The following PCSK5 variants were observed in gnomAD, a reference collection of about 807,000 sequenced individuals.
PCSK5 encodes the protein proprotein convertase subtilisin/kexin type 5.
A neutral mutation model predicts 233.2 loss-of-function variants in PCSK5; 129 were observed. The observed-to-expected ratio is 0.55, with a 90% CI of 0.48 to 0.64. The LOEUF (loss-of-function observed/expected upper bound fraction) is 0.64. Among genes scored for constraint, PCSK5 ranks in the 30% least tolerant of loss-of-function variants. PCSK5 has a pLI of 0.00. For missense variants in PCSK5, 2,076 were observed against 2,430.1 expected (o/e 0.85, Z 3.06); for synonymous variants, 825 against 879.2 (o/e 0.94, Z 1.09).
intron 3 of PCSK5, among the ~76,000 whole-genome samples, chr9:76,003,413 CT>C (rs1414859530): frequency 2.0e-5 from 3 of 151,704 alleles, no homozygotes; most frequent in African/African-American, 7.3e-5. Flanking sequence ...TTTTTTTTTC[CT>C]TCCAATAGTT....
intron 8 of PCSK5, among the ~76,000 whole-genome samples, chr9:76,104,885 A>C (rs1338495710): frequency 6.6e-6 from 1 of 152,222 alleles, no homozygotes; most frequent in Non-Finnish European, 1.5e-5. Flanking sequence ...TCTCAACAAC[A>C]GCAGATCTGG....
Position 76,332,513 on chromosome 9 carries a change from T to C in PCSK5, c.4651T>C (p.Cys1551Arg), listed in dbSNP as rs531220742. 212 of 1,612,762 alleles carry C rather than the reference T, an allele frequency of 1.3e-4. No individual in the cohort carries two copies. The highest frequency in any genetic ancestry group is 1.7e-4 in the Non-Finnish European group (200 of 1,179,770). The change falls in exon 34 of 38, where the codon TGC (cysteine) becomes CGC (arginine). Residue 1551 changes from cysteine (C) to arginine (R), a missense_variant. Cys to Arg is a radical substitution (Grantham distance 180). Coordinates refer to ENST00000674117, the MANE Select transcript of PCSK5 (RefSeq NM_001372043.1). ...SNRCAHCHSS[C>R]RTCEGRHSRQ... is the part of the protein sequence containing the mutation. Reference sequence around the variant, plus strand: ...CCGGTGTGCCCACTGCCACAGCTCTTGCAGGACATGTGAAGGGAGACACAG... The same window carrying C: ...CCGGTGTGCCCACTGCCACAGCTCTCGCAGGACATGTGAAGGGAGACACAG...
chr9:76,150,095 A>G (rs1225251218), intron 10 of PCSK5, among the ~76,000 whole-genome samples: 1 of 152,212 alleles, frequency 6.6e-6, no homozygotes, highest in East Asian at 1.9e-4. Context: ...CGTGGAGAAG[A>G]GGAGCTCAGC....
At chr9:76,199,130 A>G (rs2131266847) in intron 20 of PCSK5, among the ~76,000 whole-genome samples, 1 of 152,320 alleles carries the variant, frequency 6.6e-6, no homozygotes, top group South Asian at 2.1e-4. Context: ...TGAGAAACGC[A>G]TCCTTAGGTG....
chr9:76,238,128 C>G (rs146415116), intron 22 of PCSK5, among the ~76,000 whole-genome samples: 1 of 152,160 alleles, frequency 6.6e-6, no homozygotes, highest in Non-Finnish European at 1.5e-5. Context: ...ATGGATACCC[C>G]GAGCACACTC....
At chr9:76,189,934 T>G (rs1253084792) in intron 20 of PCSK5, among the ~76,000 whole-genome samples, 188 bp downstream of exon 20, 4 of 152,208 alleles carry the variant, frequency 2.6e-5, no homozygotes, top group Non-Finnish European at 5.9e-5. Context: ...CAAAAAGAAA[T>G]AAATCAGCTA....
At chr9:76,227,899 G>A (rs528313354) in intron 21 of PCSK5, among the ~76,000 whole-genome samples, 49 of 151,628 alleles carry the variant, frequency 3.2e-4, no homozygotes, top group Non-Finnish European at 5.2e-4. Context: ...CTGCATACCC[G>A]TCCCTCAATC....
At chr9:76,176,431 A>T (rs758643940) in intron 14 of PCSK5, among the ~76,000 whole-genome samples, 11 of 152,182 alleles carry the variant, frequency 7.2e-5, no homozygotes, top group Non-Finnish European at 1.5e-4. Context: ...TTATATTTGT[A>T]GAACATCTGC....
rs1832024191 is a variant in PCSK5 at position 76,107,428 on chromosome 9, G to A, written c.1208+77G>A. 4 of 804,096 alleles carry A rather than the reference G, an allele frequency of 5.0e-6. No homozygotes were observed. In the African/African-American group the frequency reaches 6.8e-5, roughly 14 times the overall value. 49.8% of individuals were successfully genotyped at this position (804,096 alleles called of 1,614,324 possible). On this transcript the variant is annotated intron_variant, in intron 9 of 37. Transcript: ENST00000674117. ...GAAAACGTACCCCTTCCCTTGTATA[G>A]GACCCCTAGCATGACAACCTAGAAT...
chr9:76,326,073 G>A (rs2495205), intron 32 of PCSK5, among the ~76,000 whole-genome samples: 6,608 of 152,184 alleles, frequency 0.043, 168 homozygotes, highest in South Asian at 0.075. Flanking sequence ...GTAGAGAAGC[G>A]TTTAGAATGG....
At chr9:75,998,950 C>G (rs1458172250) in intron 3 of PCSK5, among the ~76,000 whole-genome samples, 1 of 152,074 alleles carries the variant, frequency 6.6e-6, no homozygotes, top group Admixed American at 6.5e-5. Flanking sequence ...AAATATCCAG[C>G]CAGTTTTCAA....
rs1823677188 is a variant in PCSK5 at position 76,177,722 on chromosome 9, T to A, written c.1901-1874T>A. 2.6e-5 allele frequency among the ~76,000 whole-genome samples: 4 copies of A among 152,354 alleles called. No homozygotes were observed. In the South Asian group the frequency reaches 8.3e-4, roughly 32 times the overall value. On this transcript the variant is annotated intron_variant, in intron 14 of 37. Coordinates refer to ENST00000674117, the MANE Select transcript of PCSK5 (RefSeq NM_001372043.1). Reference sequence around the variant, plus strand: ...TGTTTCCCATTCAAATTTTGGAATGTTGAGATTCAGAACAGTTATATATCT... The same window carrying A: ...TGTTTCCCATTCAAATTTTGGAATGATGAGATTCAGAACAGTTATATATCT...
intron 35 of PCSK5, among the ~76,000 whole-genome samples, chr9:76,348,525 T>C (rs1228046387): frequency 6.6e-6 from 1 of 151,882 alleles, no homozygotes; most frequent in African/African-American, 2.4e-5. Context: ...GAGGCTGCAG[T>C]GAGCCATAAT....
At chr9:76,184,606 A>G in intron 16 of PCSK5, 67 bp from the exon 17 acceptor site, 2 of 1,003,952 alleles carry the variant, frequency 2.0e-6, no homozygotes, top group Non-Finnish European at 3.1e-6. Context: ...AAGCATTAGA[A>G]CATCTCTGAT....
At chr9:76,256,602 G>A (rs971667624) in intron 24 of PCSK5, among the ~76,000 whole-genome samples, 4 of 152,304 alleles carry the variant, frequency 2.6e-5, no homozygotes, top group South Asian at 2.1e-4. Context: ...ATAATAACCT[G>A]GAAAATCATT....
intron 20 of PCSK5, among the ~76,000 whole-genome samples, chr9:76,219,884 G>C (rs746976736): frequency 6.6e-6 from 1 of 152,204 alleles, no homozygotes; most frequent in African/African-American, 2.4e-5. Context: ...ACTTATTTCT[G>C]TCAACATGTA....
intron 1 of PCSK5, among the ~76,000 whole-genome samples, chr9:75,905,212 C>G (rs62559216): frequency 0.027 from 4,043 of 152,144 alleles, 113 homozygotes; most frequent in Non-Finnish European, 0.037. Flanking sequence ...ATGAAATGTT[C>G]TAAAATAGAT....
At chr9:75,894,635 C>T (rs977776532) in intron 1 of PCSK5, among the ~76,000 whole-genome samples, 1 of 152,124 alleles carries the variant, frequency 6.6e-6, no homozygotes, top group South Asian at 2.1e-4. Flanking sequence ...TGGTTGGTAT[C>T]GGAGTCAGCT....
chr9:75,974,319 A>G (rs753479025), intron 2 of PCSK5, among the ~76,000 whole-genome samples: 2 of 152,170 alleles, frequency 1.3e-5, no homozygotes, highest in Non-Finnish European at 2.9e-5. Context: ...TTTATGTGCT[A>G]TGACCCGCAA....
Sources: gnomAD v4.1 joint callset for allele counts (sites outside exome capture counted in the v4.1 genomes callset) on GRCh38, gnomAD v4.1.1 for gene constraint, MANE v1.5 for transcripts, NCBI Gene and HGNC (gene_info 2026-07-23, HGNC 2026-07-21) for gene names.